Variants in TCF20 observed in about 807,000 individuals in gnomAD.
TCF20 encodes the protein SPRE-binding protein.
A neutral mutation model predicts 148.6 loss-of-function variants in TCF20; 3 were observed. The observed-to-expected ratio is 0.02, with a 90% CI of 0.01 to 0.05. The LOEUF (loss-of-function observed/expected upper bound fraction) is 0.05, where lower values mean the gene tolerates loss of function less well. Ranked by LOEUF, TCF20 falls within the 10% of genes least tolerant of loss-of-function variation. The probability of loss-of-function intolerance (pLI) is 1.00; values close to 1 mark genes in which losing one functional copy is unlikely to be tolerated. For missense variants in TCF20, 2,350 were observed against 2,429.3 expected (o/e 0.97, Z 0.69); for synonymous variants, 1,049 against 909.5 (o/e 1.15, Z -2.76).
intron 1 of TCF20, among the ~76,000 whole-genome samples, chr22:42,289,026 C>A (rs1927085684): frequency 6.6e-6 from 1 of 152,190 alleles, no homozygotes; most frequent in Admixed American, 6.5e-5. Context: ...TCCTTTCCAG[C>A]CCTGGCATTC....
chr22:42,197,201 C>G (rs902286195), intron 2 of TCF20, among the ~76,000 whole-genome samples: 9 of 152,118 alleles, frequency 5.9e-5, no homozygotes, highest in African/African-American at 2.2e-4. Flanking sequence ...CCTTTAAAAC[C>G]ACATCAACTC....
chr22:42,339,637 G>A (rs1459595087), intron 1 of TCF20, among the ~76,000 whole-genome samples: 1 of 152,248 alleles, frequency 6.6e-6, no homozygotes, highest in Non-Finnish European at 1.5e-5. Flanking sequence ...TTGTCCAAAG[G>A]AGGAAACTGA....
chr22:42,218,532 A>G (rs1289157720), intron 1 of TCF20, among the ~76,000 whole-genome samples: 3 of 152,210 alleles, frequency 2.0e-5, no homozygotes, highest in Admixed American at 2.0e-4. Flanking sequence ...ATGGGGGCTA[A>G]ATTGAACAAA....
intron 1 of TCF20, among the ~76,000 whole-genome samples, chr22:42,342,933 A>G (rs563319796): frequency 1.3e-5 from 2 of 152,326 alleles, no homozygotes; most frequent in Non-Finnish European, 2.9e-5. Flanking sequence ...GGCGCTAGTC[A>G]GGAGGGAACC....
intron 1 of TCF20, chr22:42,276,472 T>A (rs1926781604): frequency 6.6e-6 from 1 of 152,158 alleles, no homozygotes; most frequent in Non-Finnish European, 1.5e-5. Flanking sequence ...ATGTGCTGGC[T>A]CCCCACGGAG....
At chr22:42,170,515 C>T (rs992273104) in intron 3 of TCF20, among the ~76,000 whole-genome samples, 7 of 144,012 alleles carry the variant, frequency 4.9e-5, no homozygotes, top group Non-Finnish European at 9.0e-5. Flanking sequence ...AAAAAAAAAA[C>T]TACTTGGGAG....
intron 1 of TCF20, among the ~76,000 whole-genome samples, chr22:42,239,348 T>C (rs1348390288): frequency 6.7e-6 from 1 of 149,258 alleles, no homozygotes; most frequent in African/African-American, 2.5e-5. Context: ...TGATGGCGCA[T>C]GCCTGTAATC....
At chr22:42,245,873 GA>G (rs1924859421) in intron 1 of TCF20, among the ~76,000 whole-genome samples, 1 of 151,952 alleles carries the variant, frequency 6.6e-6, no homozygotes, top group South Asian at 2.1e-4. Context: ...CTCAGCCCCT[GA>G]ATAGATGGAA....
At chr22:42,287,829 G>T (rs772718631), upstream of TCF20, among the ~76,000 whole-genome samples, 1 of 151,998 alleles carries the variant, frequency 6.6e-6, no homozygotes, top group Admixed American at 6.6e-5. Context: ...ATTTCTGGGC[G>T]TGGTGAGTTG....
At chr22:42,205,665 C>A (rs918549019) in intron 2 of TCF20, among the ~76,000 whole-genome samples, 1 of 152,178 alleles carries the variant, frequency 6.6e-6, no homozygotes, top group African/African-American at 2.4e-5. Flanking sequence ...TTTAATTTGT[C>A]CTTGAGTGCA....
chr22:42,301,033 C>T (rs149455762), intron 1 of TCF20, among the ~76,000 whole-genome samples: 9 of 152,210 alleles, frequency 5.9e-5, no homozygotes, highest in East Asian at 1.9e-4. Flanking sequence ...TGTAGGGTGG[C>T]GGTAGGGGAG....
upstream of TCF20, among the ~76,000 whole-genome samples, chr22:42,270,944 T>A (rs750990033): frequency 2.1e-3 from 317 of 152,082 alleles, 2 homozygotes; most frequent in Non-Finnish European, 2.7e-3. Context: ...CAGGGCCGTC[T>A]TGGGGGTGGA....
rs2147209606 is a variant in TCF20, at chr22:42,212,517, T to G, written c.2789A>C (p.Glu930Ala). Residue 930 changes from glutamate (E) to alanine (A), a missense_variant, in exon 2 of 6, where the codon GAG becomes GCG. Physicochemically the swap from Glu to Ala is moderately radical, Grantham distance 107 (BLOSUM62 -1). Coordinates refer to ENST00000677622, the MANE Select transcript of TCF20 (RefSeq NM_001378418.1). Reference protein sequence around the residue: ...KLKSQSGQIKEEDFEQSKSQA... With the variant: ...KLKSQSGQIKAEDFEQSKSQA... ...AGATTTAGACTGTTCAAAGTCTTCC[T>G]CTTTTATCTGCCCGCTCTGGGATTT... 6.2e-7 allele frequency: 1 copy of G among 1,614,234 alleles called. No individual in the cohort carries two copies. Among genetic ancestry groups the G allele is most frequent in the Admixed American group, 1.7e-5 (1 of 60,032 alleles).
chr22:42,283,926 G>A (rs972555601), exon 1 of TCF20, among the ~76,000 whole-genome samples: 4 of 152,262 alleles, frequency 2.6e-5, no homozygotes, highest in Non-Finnish European at 1.5e-5. Flanking sequence ...CGGGGGAGGA[G>A]GGGAAAGGGA....
intron 2 of TCF20, among the ~76,000 whole-genome samples, chr22:42,185,976 T>C (rs558210410): frequency 3.0e-4 from 46 of 152,232 alleles, no homozygotes; most frequent in Non-Finnish European, 2.6e-4. Flanking sequence ...TACTCAGTGC[T>C]ACTCAAGTTA....
chr22:42,213,927 C>T lies in TCF20; in HGVS notation c.1379G>A (p.Ser460Asn). ...DPGLSSLSAL[S>N]TQVANLPNTV... ...GTTAGGAAGATTGGCCACTTGAGTA[C>T]TCAGAGCACTCAAACTACTCAACCC... Residue 460 changes from serine (S) to asparagine (N), a missense_variant, in exon 2 of 6, where the codon AGT (serine) becomes AAT (asparagine). Physicochemically the swap from Ser to Asn is conservative, Grantham distance 46 (BLOSUM62 1). Transcript: ENST00000677622. The T allele has an allele frequency of 1.2e-6, 2 of 1,614,168 alleles. No homozygotes were observed. Among genetic ancestry groups the T allele is most frequent in the African/African-American group, 2.7e-5 (2 of 75,032 alleles).
In TCF20 at chr22:42,270,520, C is replaced by A. The variant is rs923609562; in HGVS notation, c.-218G>T. 5.5e-5 allele frequency among the ~76,000 whole-genome samples: 8 copies of A among 145,462 alleles called. No homozygotes were observed. The South Asian group carries it at 1.5e-3, about 27-fold the overall frequency. ...GCGGCCCCTCGAGGCTCGCTCCGGC[C>A]CGCGCGCTCGCTCCCCGGTCAGGCG... On this transcript the variant is annotated 5_prime_UTR_variant, in exon 1 of 6. Coordinates refer to ENST00000677622, the MANE Select transcript of TCF20 (RefSeq NM_001378418.1).
chr22:42,166,241 G>A (rs1935777086), intron 5 of TCF20, among the ~76,000 whole-genome samples: 1 of 152,366 alleles, frequency 6.6e-6, no homozygotes, highest in South Asian at 2.1e-4. Context: ...CAATGGACCT[G>A]AGACGACTCT....
intron 1 of TCF20, among the ~76,000 whole-genome samples, chr22:42,257,837 G>C (rs578195590): frequency 1.3e-5 from 2 of 152,156 alleles, no homozygotes; most frequent in African/African-American, 2.4e-5. Flanking sequence ...AGCCCAGCAC[G>C]GAAGAGATGA....
Sources: allele counts gnomAD v4.1 joint callset (sites outside exome capture counted in the v4.1 genomes callset), GRCh38; gene constraint gnomAD v4.1.1; transcripts MANE v1.5; gene names NCBI Gene and HGNC (gene_info 2026-07-23, HGNC 2026-07-21).